The following DNAI4 variants were observed in gnomAD, a reference collection of about 807,000 sequenced individuals.
DNAI4 encodes WD repeat domain 78.
A neutral mutation model predicts 105.8 loss-of-function variants in DNAI4; 85 were observed. The ratio of observed to expected loss-of-function variants is 0.80; its 90% CI spans 0.67 to 0.96. The LOEUF (loss-of-function observed/expected upper bound fraction) is 0.96, where lower values mean the gene tolerates loss of function less well. DNAI4 is among the 40% of genes least tolerant of loss of function. The probability of loss-of-function intolerance (pLI) is 0.00; values close to 1 mark genes in which losing one functional copy is unlikely to be tolerated. For missense variants in DNAI4, 1,014 were observed against 1,005.6 expected, an observed-to-expected ratio of 1.01 and a Z score of -0.11; for synonymous variants, 352 against 331.5, an observed-to-expected ratio of 1.06 and a Z score of -0.67.
In DNAI4 at chr1:66,924,787, G is replaced by A. The variant is rs1298094520; in HGVS notation, c.45C>T (p.Asn15=). Residue 15 remains asparagine, a synonymous_variant, in exon 1 of 17, where the codon AAC becomes AAT. Coordinates refer to ENST00000371026, the MANE Select transcript of DNAI4 (RefSeq NM_024763.5). ...KHSGASARAA[N]GGAWGYRDFR... is the part of the protein sequence containing the mutation. ...AGTCCCTGTACCCCCAAGCTCCTCC[G>A]TTAGCGGCTCGGGCCGAGGCTCCGG... The A allele has an allele frequency of 3.1e-6, 5 of 1,614,070 alleles. No homozygotes were observed. Among genetic ancestry groups the A allele is most frequent in the Admixed American group, 3.3e-5 (2 of 60,010 alleles).
intron 8 of DNAI4, among the ~76,000 whole-genome samples, chr1:66,844,487 C>T (rs752902041): frequency 1.4e-4 from 22 of 152,002 alleles, no homozygotes; most frequent in Non-Finnish European, 2.2e-4. Flanking sequence ...CCCTTGAGCC[C>T]GGGAGGCGGA....
intron 9 of DNAI4, among the ~76,000 whole-genome samples, chr1:66,839,378 T>C (rs1646099374): frequency 6.6e-6 from 1 of 152,200 alleles, no homozygotes; most frequent in Admixed American, 6.5e-5. Flanking sequence ...TACAAAATAA[T>C]ACACATAATT....
chr1:66,910,102 C>A (rs1301163521), intron 1 of DNAI4, among the ~76,000 whole-genome samples: 4 of 152,104 alleles, frequency 2.6e-5, no homozygotes, highest in Non-Finnish European at 5.9e-5. Flanking sequence ...AATCCCAGTA[C>A]TTTGGAAGAT....
intron 8 of DNAI4, among the ~76,000 whole-genome samples, 155 bp from the exon 9 acceptor site, chr1:66,840,826 C>G (rs1646134278): frequency 6.6e-6 from 1 of 152,026 alleles, no homozygotes; most frequent in Non-Finnish European, 1.5e-5. Flanking sequence ...TGAAGGGCAG[C>G]CTGGACCTGT....
chr1:66,924,743 T>C lies in DNAI4; in HGVS notation c.89A>G (p.Lys30Arg). ...CAGCTGGGGAGTGGTGCACCACCCC[T>C]TTTTTTGGCCGCCTCTGAAGTCCCT... Reference protein sequence around the residue: ...GYRDFRGGQKKGWCTTPQLVA... With the variant: ...GYRDFRGGQKRGWCTTPQLVA... The change falls in exon 1 of 17, where the codon AAG (lysine) becomes AGG (arginine). Residue 30 changes from lysine to arginine, a missense_variant. Lys to Arg is a conservative substitution (Grantham distance 26, BLOSUM62 2). Transcript: ENST00000371026. 6.4e-7 allele frequency: 1 copy of C among 1,563,040 alleles called. No homozygotes were observed. Among genetic ancestry groups the C allele is most frequent in the Non-Finnish European group, 8.7e-7 (1 of 1,151,720 alleles).
rs558305771 is a variant in DNAI4, at chr1:66,836,236, A to G, written c.1582-459T>C. On this transcript the variant is annotated intron_variant, in intron 10 of 16. Coordinates refer to ENST00000371026, the MANE Select transcript of DNAI4 (RefSeq NM_024763.5). ...AGAGAGAGAGAGAGAGAGAGAGAGAAAGAAAGAAAGAGAGAGAGAGAAAGA... is the reference window on the plus strand; with the variant it reads ...AGAGAGAGAGAGAGAGAGAGAGAGAGAGAAAGAAAGAGAGAGAGAGAAAGA... 4.2e-3 allele frequency among the ~76,000 whole-genome samples: 530 copies of G among 127,662 alleles called. 3 individuals are homozygous for G. The highest frequency in any genetic ancestry group is 6.3e-3 in the Non-Finnish European group (377 of 59,722). 83.8% of individuals were successfully genotyped at this position (127,662 alleles called of 152,430 possible). A position where few individuals can be genotyped will look rare whatever the true frequency, so the allele number is the denominator to read the frequency against.
In DNAI4 at chr1:66,924,802, C is replaced by A. The variant is rs1557998220; in HGVS notation, c.30G>T (p.Ser10=). ...AAGCTCCTCCGTTAGCGGCTCGGGC[C>A]GAGGCTCCGGAATGTTTGCCGGGCG... MTPGKHSGA[S]ARAANGGAWG... The change falls in exon 1 of 17, where the codon TCG becomes TCT. Residue 10 remains serine, a synonymous_variant. Transcript: ENST00000371026. 2 of 1,614,104 alleles carry A rather than the reference C, an allele frequency of 1.2e-6. No homozygotes were observed. Among genetic ancestry groups the A allele is most frequent in the Non-Finnish European group, 1.7e-6 (2 of 1,180,014 alleles).
intron 2 of DNAI4, among the ~76,000 whole-genome samples, chr1:66,896,275 A>G (rs1648331838): frequency 6.6e-6 from 1 of 152,108 alleles, no homozygotes; most frequent in African/African-American, 2.4e-5. Context: ...GCTTTTTTAC[A>G]TTTTACCTAA....
At chr1:66,840,440 C>G in intron 9 of DNAI4, 29 bp downstream of exon 9, 1 of 1,584,434 alleles carries the variant, frequency 6.3e-7, no homozygotes, top group Non-Finnish European at 8.7e-7. Flanking sequence ...ATGCTAGAAA[C>G]AGAATTGTTC....
intron 13 of DNAI4, among the ~76,000 whole-genome samples, chr1:66,829,074 T>C (rs546203983): frequency 5.3e-5 from 8 of 152,284 alleles, no homozygotes; most frequent in African/African-American, 1.9e-4. Context: ...AGTTGAGCCG[T>C]GACGCAGTTG....
In DNAI4 at chr1:66,835,695, C is replaced by G; in HGVS notation, c.1664G>C (p.Gly555Ala). 6.2e-7 allele frequency: 1 copy of G among 1,614,060 alleles called. No homozygotes were observed. The highest frequency in any genetic ancestry group is 8.5e-7 in the Non-Finnish European group (1 of 1,179,944). The change falls in exon 11 of 17, where the codon GGC (glycine) becomes GCC (alanine). Residue 555 changes from glycine (G) to alanine (A), a missense_variant. Transcript: ENST00000371026. ...SIGAPNLLAVGYHNGTIAIYN... is the reference protein window; with the variant it reads ...SIGAPNLLAVAYHNGTIAIYN... ...AATTGCAATTGTGCCATTGTGATAGCCAACGGCTAAAAGGTTAGGTGCTCC... is the reference window on the plus strand; with the variant it reads ...AATTGCAATTGTGCCATTGTGATAGGCAACGGCTAAAAGGTTAGGTGCTCC...
Position 66,871,360 on chromosome 1 carries a change from T to A in DNAI4, c.940+10A>T, listed in dbSNP as rs377070291. 1 of 1,598,868 alleles carries A rather than the reference T, an allele frequency of 6.3e-7. No homozygotes were observed. ...CATTATAGTTTATCAAGCAGAATGA[T>A]AGAAATTACCTTTATCTTCCATTAT... On this transcript the variant is annotated intron_variant, in intron 6 of 16. Coordinates refer to ENST00000371026, the MANE Select transcript of DNAI4 (RefSeq NM_024763.5).
chr1:66,864,387 C>T (rs1403692232), intron 6 of DNAI4, among the ~76,000 whole-genome samples: 1 of 151,916 alleles, frequency 6.6e-6, no homozygotes, highest in Admixed American at 6.6e-5. Context: ...AGAAGCATTC[C>T]AAACTATGCC....
chr1:66,850,142 CA>C (rs34423900), intron 7 of DNAI4, among the ~76,000 whole-genome samples: 81,409 of 129,280 alleles, frequency 0.63, 25,204 homozygotes, highest in Non-Finnish European at 0.68. Flanking sequence ...AACAGAAGAC[CA>C]AAAAAAAAAA....
intron 4 of DNAI4, among the ~76,000 whole-genome samples, chr1:66,879,686 C>T (rs1298441752): frequency 6.6e-6 from 1 of 152,178 alleles, no homozygotes; most frequent in Non-Finnish European, 1.5e-5. Context: ...ACATCTTTGC[C>T]AGCAATTGGT....
chr1:66,836,278 A>G (rs868417330), intron 10 of DNAI4, among the ~76,000 whole-genome samples: 16 of 141,390 alleles, frequency 1.1e-4, no homozygotes, highest in Admixed American at 2.8e-4. Flanking sequence ...GAAAGAAAGA[A>G]AGAAAGAAAG....
chr1:66,876,213 T>C (rs1646955319), intron 4 of DNAI4, among the ~76,000 whole-genome samples: 1 of 152,026 alleles, frequency 6.6e-6, no homozygotes, highest in African/African-American at 2.4e-5. Context: ...AAATTTGAGG[T>C]ACATGTAGTC....
chr1:66,871,352 C>T lies in DNAI4; in HGVS notation c.940+18G>A, dbSNP rs769268877. ...TATTAGAACATTATAGTTTATCAAG[C>T]AGAATGATAGAAATTACCTTTATCT... On this transcript the variant is annotated intron_variant, in intron 6 of 16. Coordinates refer to ENST00000371026, the MANE Select transcript of DNAI4 (RefSeq NM_024763.5). 5 of 1,589,152 alleles carry T rather than the reference C, an allele frequency of 3.1e-6. No individual in the cohort carries two copies. The South Asian group carries it at 5.8e-5, about 18-fold the overall frequency.
At chr1:66,915,329 C>T (rs992140494) in intron 1 of DNAI4, among the ~76,000 whole-genome samples, 1 of 152,156 alleles carries the variant, frequency 6.6e-6, no homozygotes, top group Admixed American at 6.5e-5. Context: ...CCCAAAGTTA[C>T]TTTTGCCTGT....
Sources: gnomAD v4.1 joint callset for allele counts (sites outside exome capture counted in the v4.1 genomes callset) on GRCh38, gnomAD v4.1.1 for gene constraint, MANE v1.5 for transcripts, NCBI Gene and HGNC (gene_info 2026-07-23, HGNC 2026-07-21) for gene names.